FAM53A: variants seen among roughly 807,000 people sequenced by gnomAD.
The protein encoded by FAM53A is protein FAM53A.
In FAM53A, 28 loss-of-function variants were observed where a neutral mutation model predicts 26.6. That is an observed-to-expected ratio of 1.05 (90% CI 0.78 to 1.45). The LOEUF (loss-of-function observed/expected upper bound fraction) is 1.45. Among genes scored for constraint, FAM53A ranks in the 40% most tolerant of loss-of-function variants. The pLI, the probability that FAM53A is intolerant of heterozygous loss-of-function variation, is 0.00. For missense variants in FAM53A, 650 were observed against 575.8 expected (o/e 1.13, Z -1.32); for synonymous variants, 290 against 253.1 (o/e 1.15, Z -1.38).
chr4:1,640,821 C>T lies in FAM53A; in HGVS notation c.*472G>A. ...AGGAAACCTACTCTGTGCCCCGGGG[C>T]AGGTGCAGGCGGCAGCCATGGCCCC... On this transcript the variant is annotated 3_prime_UTR_variant, in exon 5 of 5. Coordinates refer to ENST00000308132, the MANE Select transcript of FAM53A (RefSeq NM_001174070.3). 2.5e-6 allele frequency: 1 copy of T among 406,596 alleles called. No individual in the cohort carries two copies. The highest frequency in any genetic ancestry group is 1.7e-5 in the South Asian group (1 of 57,254). 25.2% of individuals were successfully genotyped at this position (406,596 alleles called of 1,614,324 possible).
the FAM53A span, among the ~76,000 whole-genome samples, chr4:1,590,991 T>TATATATACACACACAC: frequency 3.9e-5 from 5 of 127,872 alleles, no homozygotes; most frequent in African/African-American, 1.7e-4. Flanking sequence ...TATATATATA[T>TATATATACACACACAC]ATATATATAT....
At chr4:1,609,221 G>A in the FAM53A span, among the ~76,000 whole-genome samples, 1 of 151,946 alleles carries the variant, frequency 6.6e-6, no homozygotes, top group South Asian at 2.1e-4. Context: ...CCCACTCTCA[G>A]AAACAGAGTC....
Position 1,659,314 on chromosome 4 carries a change from T to C in FAM53A, c.76-1846A>G, listed in dbSNP as rs1218249759. 6.6e-6 allele frequency among the ~76,000 whole-genome samples: 1 copy of C among 152,218 alleles called. No individual in the cohort carries two copies. The highest frequency in any genetic ancestry group is 2.4e-5 in the African/African-American group (1 of 41,464). ...TTCACGCCACAGGGACCCTTGTTGC[T>C]GTCGATCCTCCCAGCCCCGGGCCTC... On this transcript the variant is annotated intron_variant, in intron 2 of 4. Coordinates refer to ENST00000308132, the MANE Select transcript of FAM53A (RefSeq NM_001174070.3). The surrounding 1 kb of genome is among the most constrained non-coding windows in gnomAD (Gnocchi z 5.2).
In FAM53A at chr4:1,669,024, AC is replaced by A. The variant is rs141786721; in HGVS notation, c.-164-120del. ...ATTTCTGATATCCCACCTCACAAACACCCTCCCATTTTCAAAACTACCACGC... is the reference window on the plus strand; with the variant it reads ...ATTTCTGATATCCCACCTCACAAACACCTCCCATTTTCAAAACTACCACGC... On this transcript the variant is annotated intron_variant, in intron 1 of 4. Coordinates refer to ENST00000308132, the MANE Select transcript of FAM53A (RefSeq NM_001174070.3). The A allele has an allele frequency of 1.2e-3, 439 of 351,806 alleles. 3 individuals carry two copies. Among genetic ancestry groups the A allele is most frequent in the Non-Finnish European group, 1.8e-3 (363 of 196,284 alleles). 21.8% of individuals were successfully genotyped at this position (351,806 alleles called of 1,614,324 possible).
Position 1,630,673 on chromosome 4 carries a change from G to A in FAM53A, c.432-12562C>T, listed in dbSNP as rs958989880. Among the ~76,000 whole-genome samples, 2 of 152,158 alleles carry A rather than the reference G, an allele frequency of 1.3e-5. No individual in the cohort carries two copies. The highest frequency in any genetic ancestry group is 4.8e-5 in the African/African-American group (2 of 41,426). ...CCATCGTGGAAGCCAGACAGAAAAG[G>A]CCCGCACAGCATGATCCCACGTCTA... On this transcript the variant is annotated intron_variant, in intron 1 of 1. Coordinates refer to the FAM53A transcript ENST00000489029. The surrounding 1 kb of genome is among the most constrained non-coding windows in gnomAD (Gnocchi z 4.3).
At chr4:1,636,204 T>A (rs1715831972), downstream of FAM53A, among the ~76,000 whole-genome samples, 1 of 152,222 alleles carries the variant, frequency 6.6e-6, no homozygotes, top group Non-Finnish European at 1.5e-5. Flanking sequence ...AAATAGTCCA[T>A]TTCTGATAGG....
At chr4:1,673,204 GA>G in intron 1 of FAM53A, among the ~76,000 whole-genome samples, 1 of 152,224 alleles carries the variant, frequency 6.6e-6, no homozygotes, top group Non-Finnish European at 1.5e-5. Flanking sequence ...GCCCAGACTG[GA>G]GGGGGTCCCA....
At chr4:1,587,619 C>T in the FAM53A span, among the ~76,000 whole-genome samples, 1 of 152,148 alleles carries the variant, frequency 6.6e-6, no homozygotes, top group Non-Finnish European at 1.5e-5. Context: ...TTGCAGTGAG[C>T]TGAGATTGCG....
chr4:1,593,310 C>T, the FAM53A span, among the ~76,000 whole-genome samples: 1 of 152,132 alleles, frequency 6.6e-6, no homozygotes, highest in African/African-American at 2.4e-5. Flanking sequence ...GCGGCAGGTG[C>T]GCTCAGCCCA....
At position 1,641,016 on chromosome 4, in the gene FAM53A, T is replaced by A. The variant is rs13140056; in HGVS notation, c.*277A>T. The A allele has an allele frequency of 0.15, 26,468 of 180,286 alleles. 3,413 individuals are homozygous for A. Among genetic ancestry groups the A allele is most frequent in the African/African-American group, 0.41 (6,366 of 15,498 alleles). 11.2% of individuals were successfully genotyped at this position (180,286 alleles called of 1,614,324 possible). A position where few individuals can be genotyped will look rare whatever the true frequency, so the allele number is the denominator to read the frequency against. ...CTCTGTGCCCCAGGGCAGGTGCCGG[T>A]GGCAGCCGTGGCCCCGACCAGCTCA... On this transcript the variant is annotated 3_prime_UTR_variant, in exon 5 of 5. Transcript: ENST00000308132.
chr4:1,603,484 G>T, the FAM53A span, among the ~76,000 whole-genome samples: 2 of 152,220 alleles, frequency 1.3e-5, no homozygotes, highest in Admixed American at 6.5e-5. Flanking sequence ...GGAAGCCCCA[G>T]TGGGTAGGAA....
At chr4:1,639,466 G>A (rs978571143), downstream of FAM53A, among the ~76,000 whole-genome samples, 6 of 152,192 alleles carry the variant, frequency 3.9e-5, no homozygotes, top group African/African-American at 1.4e-4. Context: ...TGGGGAGCAG[G>A]TGACACTCTC....
intron 1 of FAM53A, among the ~76,000 whole-genome samples, chr4:1,673,302 C>A (rs1472313284): frequency 2.0e-5 from 3 of 152,206 alleles, no homozygotes; most frequent in African/African-American, 7.2e-5. Flanking sequence ...AGCACCATGC[C>A]ACACTGATGC....
intron 4 of FAM53A, chr4:1,644,420 A>C (rs1712053289): frequency 6.7e-7 from 1 of 1,498,690 alleles, no homozygotes; most frequent in African/African-American, 1.4e-5. Flanking sequence ...CTGCCCACAG[A>C]CACGGCAGCT....
At chr4:1,595,568 C>G in the FAM53A span, among the ~76,000 whole-genome samples, 1 of 152,152 alleles carries the variant, frequency 6.6e-6, no homozygotes, top group African/African-American at 2.4e-5. Flanking sequence ...TGGTATAAAT[C>G]GTGGCACAGA....
At chr4:1,628,896 G>T (rs979847529) in intron 1 of FAM53A, among the ~76,000 whole-genome samples, 4 of 151,704 alleles carry the variant, frequency 2.6e-5, no homozygotes, top group African/African-American at 7.3e-5. Context: ...CCACTGCAGG[G>T]TCCCCTACTC....
At chr4:1,664,069 G>A (rs928518595) in intron 2 of FAM53A, among the ~76,000 whole-genome samples, 2 of 152,126 alleles carry the variant, frequency 1.3e-5, no homozygotes, top group African/African-American at 4.8e-5. Flanking sequence ...ATGGGGAAAA[G>A]GGACATGAGA....
At chr4:1,611,051 T>A in the FAM53A span, among the ~76,000 whole-genome samples, 1 of 152,286 alleles carries the variant, frequency 6.6e-6, no homozygotes, top group East Asian at 1.9e-4. Flanking sequence ...CCTGGTGACC[T>A]CCGGCAGATC....
intron 1 of FAM53A, among the ~76,000 whole-genome samples, chr4:1,626,307 C>A (rs1003216610): frequency 1.4e-4 from 22 of 152,248 alleles, no homozygotes; most frequent in Non-Finnish European, 2.6e-4. Context: ...CACGAGCCGT[C>A]CACGTGGGCT....
Sources: gnomAD v4.1 joint callset for allele counts (sites outside exome capture counted in the v4.1 genomes callset) on GRCh38, gnomAD v4.1.1 for gene constraint, Gnocchi (gnomAD v3.1) non-coding constraint, MANE v1.5 for transcripts, NCBI Gene and HGNC (gene_info 2026-07-23, HGNC 2026-07-21) for gene names.